TEX36: variants seen among roughly 807,000 people sequenced by gnomAD.
TEX36 encodes the protein testis-expressed protein 36.
Under a neutral mutation model 13.6 loss-of-function variants are expected in TEX36, and 12 were observed. The ratio of observed to expected loss-of-function variants is 0.88; its 90% CI spans 0.56 to 1.43. The LOEUF is 1.43. Ranked by LOEUF, TEX36 falls within the 40% of genes most tolerant of loss-of-function variation. TEX36 has a pLI of 0.00. For synonymous variants in TEX36, 93 were observed against 83.0 expected (o/e 1.12, Z -0.65); for missense variants, 224 against 228.3 (o/e 0.98, Z 0.12).
At chr10:125,638,087 C>T (rs1846641394) in intron 3 of TEX36, among the ~76,000 whole-genome samples, 1 of 151,998 alleles carries the variant, frequency 6.6e-6, no homozygotes, top group Non-Finnish European at 1.5e-5. Flanking sequence ...CAGAGAAATT[C>T]CCCAACTGCC....
At chr10:125,649,118 A>C (rs1846815327) in intron 3 of TEX36, among the ~76,000 whole-genome samples, 1 of 152,248 alleles carries the variant, frequency 6.6e-6, no homozygotes, top group African/African-American at 2.4e-5. Context: ...CAACCTAGTG[A>C]GGCAGGCCAA....
chr10:125,644,019 C>A (rs1196363540), intron 3 of TEX36, among the ~76,000 whole-genome samples: 1 of 152,128 alleles, frequency 6.6e-6, no homozygotes, highest in Admixed American at 6.5e-5. Flanking sequence ...CAAATAGACA[C>A]AACAATACCC....
chr10:125,613,719 C>T (rs377105547), intron 3 of TEX36, among the ~76,000 whole-genome samples: 51 of 151,820 alleles, frequency 3.4e-4, no homozygotes, highest in African/African-American at 9.7e-4. Context: ...TTTGCTATTG[C>T]GAATAGTGCC....
intron 3 of TEX36, among the ~76,000 whole-genome samples, chr10:125,602,957 G>A (rs1294337929): frequency 6.6e-6 from 1 of 152,168 alleles, no homozygotes; most frequent in East Asian, 1.9e-4. Context: ...GTGGCTTGCC[G>A]TTCCAGTTCT....
chr10:125,576,987 C>T (rs1845832582), intron 3 of TEX36: 1 of 1,374,004 alleles, frequency 7.3e-7, no homozygotes, highest in Non-Finnish European at 9.9e-7. Context: ...GCTTTAAAAA[C>T]ACCCCAGAGA....
At chr10:125,591,870 G>A (rs1399320073) in intron 3 of TEX36, among the ~76,000 whole-genome samples, 3 of 151,796 alleles carry the variant, frequency 2.0e-5, no homozygotes, top group African/African-American at 7.3e-5. Context: ...TGCCCAACAG[G>A]AAAGACAGGG....
intron 3 of TEX36, among the ~76,000 whole-genome samples, chr10:125,649,841 G>A (rs1846826632): frequency 6.6e-6 from 1 of 152,172 alleles, no homozygotes; most frequent in Non-Finnish European, 1.5e-5. Context: ...AGCAGGGGTT[G>A]CAATCCTAGT....
At chr10:125,660,970 ATCCCTTGTGTTG>A in intron 3 of TEX36, 39 bp downstream of exon 3, 1 of 1,464,312 alleles carries the variant, frequency 6.8e-7, no homozygotes. Context: ...GAAAATCAAG[ATCCCTTGTGTTG>A]TTCCCTGTTT....
At chr10:125,640,781 G>A (rs898670335) in intron 3 of TEX36, among the ~76,000 whole-genome samples, 1 of 152,144 alleles carries the variant, frequency 6.6e-6, no homozygotes, top group Non-Finnish European at 1.5e-5. Flanking sequence ...GGGTCCCAGT[G>A]CCATGCTAGG....
chr10:125,676,826 A>C (rs1847320779), intron 1 of TEX36, among the ~76,000 whole-genome samples: 1 of 152,046 alleles, frequency 6.6e-6, no homozygotes, highest in South Asian at 2.1e-4. Flanking sequence ...TGTTTTCATG[A>C]TGGTAAATAT....
chr10:125,641,445 A>T (rs1397201767), intron 3 of TEX36, among the ~76,000 whole-genome samples: 1 of 152,172 alleles, frequency 6.6e-6, no homozygotes, highest in Admixed American at 6.5e-5. Context: ...TAAACTAAAT[A>T]CTCAGTAGTT....
rs7098701 is a variant in TEX36 at position 125,666,835 on chromosome 10, G to A, written c.52-4858C>T. ...GCCCGCTCTTCAAGAGAGTAGGGGC[G>A]GGGCCTGGAGTGTTGGGAACAGCCG... On this transcript the variant is annotated intron_variant, in intron 1 of 3. Transcript: ENST00000368821. 9.7e-3 allele frequency: 3,003 copies of A among 308,106 alleles called. 79 individuals carry two copies. The highest frequency in any genetic ancestry group is 0.058 in the African/African-American group (2,669 of 46,166). 19.1% of individuals were successfully genotyped at this position (308,106 alleles called of 1,614,324 possible).
chr10:125,627,227 A>C (rs1202399409), intron 3 of TEX36, among the ~76,000 whole-genome samples: 1 of 152,228 alleles, frequency 6.6e-6, no homozygotes, highest in Non-Finnish European at 1.5e-5. Flanking sequence ...TTAAATGCTT[A>C]ATTGTGCTGT....
chr10:125,622,868 G>C (rs1589759287), intron 3 of TEX36, among the ~76,000 whole-genome samples: 1 of 152,324 alleles, frequency 6.6e-6, no homozygotes, highest in East Asian at 1.9e-4. Flanking sequence ...AGAGTGGCCA[G>C]GTGGCAGTGT....
chr10:125,587,654 G>A (rs1242446452), intron 3 of TEX36, among the ~76,000 whole-genome samples: 1 of 152,056 alleles, frequency 6.6e-6, no homozygotes, highest in African/African-American at 2.4e-5. Flanking sequence ...AGGCACGGTG[G>A]CATGCACCTG....
At chr10:125,637,030 G>C (rs181522033) in intron 3 of TEX36, among the ~76,000 whole-genome samples, 1 of 152,140 alleles carries the variant, frequency 6.6e-6, no homozygotes, top group Admixed American at 6.5e-5. Context: ...GGCCTGGTGC[G>C]GTGGCTTATG....
intron 3 of TEX36, among the ~76,000 whole-genome samples, chr10:125,636,928 T>A (rs906109443): frequency 6.6e-6 from 1 of 152,120 alleles, no homozygotes; most frequent in Non-Finnish European, 1.5e-5. Context: ...AACTCCCAAT[T>A]TTCCCCTCCC....
intron 3 of TEX36, among the ~76,000 whole-genome samples, chr10:125,643,495 G>A (rs573647962): frequency 3.9e-5 from 6 of 152,242 alleles, no homozygotes; most frequent in Admixed American, 2.0e-4. Context: ...TGTAATCCCC[G>A]CACTTTGGGA....
chr10:125,650,038 A>G (rs1846829598), intron 3 of TEX36, among the ~76,000 whole-genome samples: 2 of 152,188 alleles, frequency 1.3e-5, no homozygotes, highest in Admixed American at 6.5e-5. Flanking sequence ...ATTCCCACAC[A>G]ATAATTATGG....
Sources: gnomAD v4.1 joint callset for allele counts (sites outside exome capture counted in the v4.1 genomes callset) on GRCh38, gnomAD v4.1.1 for gene constraint, MANE v1.5 for transcripts, NCBI Gene and HGNC (gene_info 2026-07-23, HGNC 2026-07-21) for gene names.